The following FGL1 variants were observed in gnomAD, a reference collection of about 807,000 sequenced individuals.
FGL1 encodes the protein fibrinogen-like protein 1.
FGL1 carries 59 observed loss-of-function variants against 43.7 expected under a neutral mutation model. That is an observed-to-expected ratio of 1.35 (90% CI 1.10 to 1.68). The LOEUF is 1.68. Ranked by LOEUF, FGL1 falls within the 40% of genes most tolerant of loss-of-function variation. FGL1 has a pLI of 0.00. For missense variants in FGL1, 596 were observed against 373.0 expected (o/e 1.60, Z -4.92); for synonymous variants, 192 against 126.5 (o/e 1.52, Z -3.48).
chr8:17,873,396 A>G (rs1376499955), intron 5 of FGL1, among the ~76,000 whole-genome samples: 1 of 152,118 alleles, frequency 6.6e-6, no homozygotes, highest in Non-Finnish European at 1.5e-5. Context: ...CAGCAACTTC[A>G]GTGAGGAAGT....
chr8:17,873,440 T>G (rs1424320377), intron 5 of FGL1, among the ~76,000 whole-genome samples: 1 of 152,090 alleles, frequency 6.6e-6, no homozygotes, highest in Non-Finnish European at 1.5e-5. Flanking sequence ...CCAGCCATGA[T>G]CAGCAGAGCC....
intron 1 of FGL1, among the ~76,000 whole-genome samples, chr8:17,892,721 T>C (rs380257): frequency 0.77 from 116,544 of 152,092 alleles, 45,547 homozygotes; most frequent in African/African-American, 0.85. Flanking sequence ...GGAAACAAAT[T>C]TTCATTATTT....
At chr8:17,875,435 A>C (rs1253437973) in intron 3 of FGL1, among the ~76,000 whole-genome samples, 1 of 152,008 alleles carries the variant, frequency 6.6e-6, no homozygotes, top group Non-Finnish European at 1.5e-5. Context: ...ATTTCTTTGA[A>C]CACTGAAGCA....
At chr8:17,866,177 C>G (rs757922054) in intron 7 of FGL1, among the ~76,000 whole-genome samples, 2 of 152,178 alleles carry the variant, frequency 1.3e-5, no homozygotes, top group African/African-American at 4.8e-5. Context: ...GAAACCTTCA[C>G]TATTCTGAGA....
At chr8:17,881,887 G>A (rs1052110930) in intron 3 of FGL1, 112 bp downstream of exon 3, 2 of 834,404 alleles carry the variant, frequency 2.4e-6, no homozygotes, top group East Asian at 5.2e-5. Context: ...TAGATATAAT[G>A]CTTCATATTG....
chr8:17,893,632 TTA>T (rs2053737735), intron 1 of FGL1, among the ~76,000 whole-genome samples: 1 of 147,110 alleles, frequency 6.8e-6, no homozygotes, highest in South Asian at 2.1e-4. Context: ...CAAAATGTAA[TTA>T]TTTACATTTA....
At chr8:17,879,343 C>T (rs1359358910) in intron 3 of FGL1, among the ~76,000 whole-genome samples, 1 of 152,070 alleles carries the variant, frequency 6.6e-6, no homozygotes, top group Non-Finnish European at 1.5e-5. Flanking sequence ...CCAAAGTCTG[C>T]TCCCCAGCAG....
intron 5 of FGL1, 24 bp downstream of exon 5, chr8:17,873,995 A>T: frequency 6.6e-7 from 1 of 1,512,102 alleles, no homozygotes; most frequent in Non-Finnish European, 8.9e-7. Flanking sequence ...ATTTCAAATA[A>T]ATCTGACATC....
intron 5 of FGL1, among the ~76,000 whole-genome samples, chr8:17,872,273 C>A (rs543657205): frequency 1.7e-4 from 21 of 124,706 alleles, no homozygotes; most frequent in Non-Finnish European, 2.5e-4. Context: ...TTGGATGGAA[C>A]AAAGGAACTT....
intron 5 of FGL1, among the ~76,000 whole-genome samples, chr8:17,870,178 A>C (rs1218033103): frequency 2.6e-5 from 4 of 152,190 alleles, no homozygotes. Flanking sequence ...ATATATGCTA[A>C]AGAATGATAT....
chr8:17,890,831 C>T (rs1181555345), intron 1 of FGL1, among the ~76,000 whole-genome samples: 1 of 152,106 alleles, frequency 6.6e-6, no homozygotes, highest in Non-Finnish European at 1.5e-5. Flanking sequence ...ACCATCAGAT[C>T]TCAGGAGAAC....
chr8:17,877,349 C>G (rs2053471501), intron 3 of FGL1, among the ~76,000 whole-genome samples: 2 of 152,082 alleles, frequency 1.3e-5, no homozygotes, highest in South Asian at 4.1e-4. Context: ...TGTGTCCTTT[C>G]TCTGATCATG....
chr8:17,892,710 A>G (rs1223573528), intron 1 of FGL1, among the ~76,000 whole-genome samples: 1 of 152,320 alleles, frequency 6.6e-6, no homozygotes. Context: ...TTTATGTGAC[A>G]GGAAACAAAT....
chr8:17,879,821 C>T lies in FGL1; in HGVS notation c.244+2178G>A, dbSNP rs182753860. Among the ~76,000 whole-genome samples the T allele has an allele frequency of 9.9e-4, 150 of 152,264 alleles. 1 individual carries two copies. Among genetic ancestry groups the T allele is most frequent in the Admixed American group, 3.3e-3 (50 of 15,294 alleles). ...CACTTAAGCCTCAGTCTTCCCATGA[C>T]TGGTTGTAGAGGCCTGGGAACAAAC... On this transcript the variant is annotated intron_variant, in intron 3 of 7. Coordinates refer to ENST00000427924, the MANE Select transcript of FGL1 (RefSeq NM_004467.4).
At chr8:17,870,664 A>T (rs2053344287) in intron 5 of FGL1, among the ~76,000 whole-genome samples, 1 of 152,124 alleles carries the variant, frequency 6.6e-6, no homozygotes, top group Admixed American at 6.6e-5. Flanking sequence ...TCCAAGTTCT[A>T]TTCACACCCA....
chr8:17,880,855 A>C (rs1234192628), intron 3 of FGL1, among the ~76,000 whole-genome samples: 1 of 152,200 alleles, frequency 6.6e-6, no homozygotes, highest in Non-Finnish European at 1.5e-5. Context: ...AATGTGTGTA[A>C]TGTGTTGCCA....
intron 7 of FGL1, among the ~76,000 whole-genome samples, chr8:17,866,666 G>C (rs1233307609): frequency 6.6e-6 from 1 of 152,158 alleles, no homozygotes; most frequent in East Asian, 1.9e-4. Flanking sequence ...TTAAAGTCAG[G>C]TAAATCGTTC....
At chr8:17,892,727 T>C (rs1256851048) in intron 1 of FGL1, among the ~76,000 whole-genome samples, 1 of 152,206 alleles carries the variant, frequency 6.6e-6, no homozygotes, top group East Asian at 1.9e-4. Flanking sequence ...AAATTTTCAT[T>C]ATTTTAATCC....
At chr8:17,871,680 A>T (rs1401407750) in intron 5 of FGL1, among the ~76,000 whole-genome samples, 2 of 152,194 alleles carry the variant, frequency 1.3e-5, no homozygotes, top group African/African-American at 4.8e-5. Flanking sequence ...CTCAGAGGTA[A>T]TTCATTAATT....
Sources: allele counts gnomAD v4.1 joint callset (sites outside exome capture counted in the v4.1 genomes callset), GRCh38; gene constraint gnomAD v4.1.1; transcripts MANE v1.5; gene names NCBI Gene and HGNC (gene_info 2026-07-23, HGNC 2026-07-21).